Variants in PLCH1 observed in about 807,000 individuals in gnomAD.
PLCH1 encodes phospholipase C eta 1.
A neutral mutation model predicts 126.7 loss-of-function variants in PLCH1; 60 were observed. That is an observed-to-expected ratio of 0.47 (90% CI 0.38 to 0.59). The LOEUF (loss-of-function observed/expected upper bound fraction) is 0.59. Among genes scored for constraint, PLCH1 ranks in the 20% least tolerant of loss-of-function variants. PLCH1 has a pLI of 0.00. For missense variants in PLCH1, 1,723 were observed against 2,040.0 expected, an observed-to-expected ratio of 0.84 and a Z score of 2.99; for synonymous variants, 719 against 734.9, an observed-to-expected ratio of 0.98 and a Z score of 0.35.
intron 19 of PLCH1, among the ~76,000 whole-genome samples, chr3:155,490,565 G>A (rs73874815): frequency 0.056 from 8,521 of 152,032 alleles, 419 homozygotes; most frequent in African/African-American, 0.14. Flanking sequence ...TCCTTTAAAA[G>A]CAAAAGTCTA....
chr3:155,586,016 A>G (rs1731313476), intron 5 of PLCH1, 49 bp downstream of exon 5: 1 of 1,555,212 alleles, frequency 6.4e-7, no homozygotes, highest in Non-Finnish European at 8.9e-7. Context: ...AAGTATGTTA[A>G]TAACCTCTGT....
At chr3:155,506,429 G>A (rs1213752850) in intron 12 of PLCH1, among the ~76,000 whole-genome samples, 1 of 148,306 alleles carries the variant, frequency 6.7e-6, no homozygotes, top group African/African-American at 2.5e-5. Context: ...GTATACATGT[G>A]CCATGCTGGT....
intron 2 of PLCH1, among the ~76,000 whole-genome samples, chr3:155,696,918 A>T (rs1440732491): frequency 6.6e-6 from 1 of 152,216 alleles, no homozygotes; most frequent in Non-Finnish European, 1.5e-5. Context: ...TGTTTCAGAA[A>T]ATTGAAAGCT....
At chr3:155,665,945 C>T (rs1742674506) in intron 2 of PLCH1, among the ~76,000 whole-genome samples, 1 of 152,108 alleles carries the variant, frequency 6.6e-6, no homozygotes, top group Admixed American at 6.5e-5. Context: ...ATAATATTTT[C>T]AATTGACTAT....
chr3:155,561,864 C>A (rs925218814), intron 8 of PLCH1, among the ~76,000 whole-genome samples: 1 of 152,178 alleles, frequency 6.6e-6, no homozygotes, highest in East Asian at 1.9e-4. Flanking sequence ...TCACTGCAAC[C>A]TCTGCCTCCT....
intron 22 of PLCH1, among the ~76,000 whole-genome samples, chr3:155,484,481 A>C (rs538060823): frequency 4.8e-4 from 73 of 152,366 alleles, no homozygotes; most frequent in African/African-American, 1.4e-3. Context: ...AGAGCACTGA[A>C]ATTAGACCAT....
At chr3:155,730,024 AG>A (rs1268898332) in intron 1 of PLCH1, among the ~76,000 whole-genome samples, 3 of 152,162 alleles carry the variant, frequency 2.0e-5, no homozygotes, top group African/African-American at 7.2e-5. Context: ...TAAAAATTAT[AG>A]TTTTATAAAG....
chr3:155,741,032 C>A (rs1372013352), intron 1 of PLCH1, among the ~76,000 whole-genome samples: 2 of 152,180 alleles, frequency 1.3e-5, no homozygotes, highest in African/African-American at 4.8e-5. Context: ...TGCATCTATC[C>A]TGCCCTCTTC....
intron 10 of PLCH1, among the ~76,000 whole-genome samples, chr3:155,548,672 C>T (rs753758651): frequency 2.6e-5 from 4 of 152,184 alleles, no homozygotes; most frequent in African/African-American, 4.8e-5. Flanking sequence ...ACCCACAAAT[C>T]AATTTTTACT....
At chr3:155,459,114 G>C (rs1364712085) in intron 21 of PLCH1, among the ~76,000 whole-genome samples, 1 of 152,234 alleles carries the variant, frequency 6.6e-6, no homozygotes, top group Non-Finnish European at 1.5e-5. Flanking sequence ...TTTAAGGTAA[G>C]TCTTTGAATA....
intron 2 of PLCH1, among the ~76,000 whole-genome samples, chr3:155,636,845 C>T (rs1738783949): frequency 6.6e-6 from 1 of 151,894 alleles, no homozygotes; most frequent in Admixed American, 6.6e-5. Context: ...GCTTATCTCA[C>T]ATAAGTGTAG....
intron 1 of PLCH1, among the ~76,000 whole-genome samples, chr3:155,724,835 G>C (rs767400498): frequency 3.2e-4 from 49 of 151,736 alleles, no homozygotes; most frequent in Non-Finnish European, 6.8e-4. Context: ...GTGTGTGTGT[G>C]TGTGTGTGTG....
chr3:155,470,037 A>G (rs1474125806), intron 21 of PLCH1, among the ~76,000 whole-genome samples: 12 of 152,344 alleles, frequency 7.9e-5, no homozygotes, highest in Non-Finnish European at 1.5e-4. Context: ...CTCCAAAGGA[A>G]CGCAGTTCCT....
At chr3:155,643,706 C>T (rs544915747) in intron 2 of PLCH1, among the ~76,000 whole-genome samples, 30 of 152,300 alleles carry the variant, frequency 2.0e-4, no homozygotes, top group East Asian at 7.7e-4. Flanking sequence ...TCAGCATGTA[C>T]GCTCCATGAG....
chr3:155,676,084 T>C, intron 2 of PLCH1: 1 of 1,473,272 alleles, frequency 6.8e-7, no homozygotes, highest in Non-Finnish European at 9.0e-7. Context: ...CAGTACAATT[T>C]CTCTCTAAAG....
intron 2 of PLCH1, among the ~76,000 whole-genome samples, chr3:155,664,358 G>A (rs1742503696): frequency 6.6e-6 from 1 of 152,190 alleles, no homozygotes; most frequent in South Asian, 2.1e-4. Context: ...GACTCCCTGA[G>A]CACCTGCTGT....
At chr3:155,515,654 T>C (rs1303409997) in intron 11 of PLCH1, among the ~76,000 whole-genome samples, 3 of 152,272 alleles carry the variant, frequency 2.0e-5, no homozygotes, top group Non-Finnish European at 2.9e-5. Context: ...CTCAAAGTCC[T>C]GCTTAGCACA....
chr3:155,723,102 T>C lies in PLCH1; in HGVS notation c.-40-18838A>G, dbSNP rs535290927. On this transcript the variant is annotated intron_variant, in intron 1 of 22. Coordinates refer to ENST00000460012, the MANE Select transcript of PLCH1 (RefSeq NM_014996.4). The stretch of plus-strand genomic sequence containing the variant: ...CATCTTCTCTAGGTTTTCTAGTTTA[T>C]GCACATAAAGGTGTTCATAGTAGCC... 5.3e-5 allele frequency among the ~76,000 whole-genome samples: 8 copies of C among 152,372 alleles called. No homozygotes were observed. In the South Asian group the frequency reaches 1.7e-3, roughly 32 times the overall value.
intron 1 of PLCH1, among the ~76,000 whole-genome samples, chr3:155,734,082 T>G (rs1171573309): frequency 6.6e-6 from 1 of 151,488 alleles, no homozygotes; most frequent in African/African-American, 2.4e-5. Context: ...AAAAAGTAAG[T>G]GCTGGCAAGG....
Sources: allele counts gnomAD v4.1 joint callset (sites outside exome capture counted in the v4.1 genomes callset), GRCh38; gene constraint gnomAD v4.1.1; transcripts MANE v1.5; gene names NCBI Gene and HGNC (gene_info 2026-07-23, HGNC 2026-07-21).